Variants in ERBB4 observed in about 807,000 individuals in gnomAD.
ERBB4 encodes receptor tyrosine-protein kinase erbB-4.
A neutral mutation model predicts 158.0 loss-of-function variants in ERBB4; 42 were observed. The ratio of observed to expected loss-of-function variants is 0.27; its 90% CI spans 0.21 to 0.34. The LOEUF (loss-of-function observed/expected upper bound fraction) is 0.34. Ranked by LOEUF, ERBB4 falls within the 10% of genes least tolerant of loss-of-function variation. The pLI is 1.00. For synonymous variants in ERBB4, 583 were observed against 558.7 expected, an observed-to-expected ratio of 1.04 and a Z score of -0.61; for missense variants, 1,333 against 1,624.1, an observed-to-expected ratio of 0.82 and a Z score of 3.08.
intron 1 of ERBB4, among the ~76,000 whole-genome samples, chr2:212,434,138 G>C (rs914333248): frequency 6.6e-6 from 1 of 151,960 alleles, no homozygotes; most frequent in Non-Finnish European, 1.5e-5. Flanking sequence ...ATCTAAAATA[G>C]AATTTAATAG....
At chr2:211,472,626 A>T (rs2064855546) in intron 20 of ERBB4, among the ~76,000 whole-genome samples, 2 of 151,664 alleles carry the variant, frequency 1.3e-5, no homozygotes, top group Non-Finnish European at 2.9e-5. Context: ...AGGCTTCTTC[A>T]TGCTTTCCCA....
Position 211,712,077 on chromosome 2 carries a change from A to C in ERBB4, c.1097T>G (p.Leu366Trp). Residue 366 changes from leucine to tryptophan, a missense_variant, in exon 9 of 28, where the codon TTG (leucine) becomes TGG (tryptophan). Transcript: ENST00000342788. ...ATGAATACCAGTGACTAGAAAGATC[A>C]AATTCCCATTGATCTTGGTACAGTT... is the stretch of plus-strand genomic sequence containing the variant. ...FINCTKINGNLIFLVTGIHGD... is the reference protein window; with the variant it reads ...FINCTKINGNWIFLVTGIHGD... 6.2e-7 allele frequency: 1 copy of C among 1,612,672 alleles called. No homozygotes were observed. The highest frequency in any genetic ancestry group is 8.5e-7 in the Non-Finnish European group (1 of 1,178,736).
intron 1 of ERBB4, among the ~76,000 whole-genome samples, chr2:212,428,955 A>G (rs1419634659): frequency 6.6e-6 from 1 of 152,194 alleles, no homozygotes; most frequent in Non-Finnish European, 1.5e-5. Context: ...TCAGATTCCC[A>G]GCAACTACTT....
chr2:211,961,900 C>A (rs1183455446), intron 2 of ERBB4, among the ~76,000 whole-genome samples: 1 of 152,008 alleles, frequency 6.6e-6, no homozygotes, highest in East Asian at 1.9e-4. Flanking sequence ...ACTTTAAAAG[C>A]AAGTTATAGT....
chr2:212,396,746 A>G (rs1248991833), intron 1 of ERBB4, among the ~76,000 whole-genome samples: 1 of 152,164 alleles, frequency 6.6e-6, no homozygotes, highest in African/African-American at 2.4e-5. Flanking sequence ...TTTTTTACTT[A>G]ATGACATGAG....
chr2:212,068,062 T>C (rs1367795170), intron 2 of ERBB4, among the ~76,000 whole-genome samples: 1 of 152,058 alleles, frequency 6.6e-6, no homozygotes, highest in African/African-American at 2.4e-5. Context: ...GTTCAGTTCA[T>C]GGGGAGCCTG....
intron 1 of ERBB4, among the ~76,000 whole-genome samples, chr2:212,410,593 C>T (rs139909475): frequency 3.5e-3 from 531 of 152,044 alleles, no homozygotes; most frequent in African/African-American, 0.012. Context: ...TAATATTCTC[C>T]TCTCATTTTC....
intron 1 of ERBB4, among the ~76,000 whole-genome samples, chr2:212,399,536 T>TTA (rs1298944300): frequency 1.9e-4 from 4 of 20,792 alleles, no homozygotes; most frequent in Non-Finnish European, 4.1e-4. Context: ...GATATATATT[T>TTA]TATATATACA....
intron 3 of ERBB4, among the ~76,000 whole-genome samples, chr2:211,922,150 A>C (rs902034824): frequency 1.3e-5 from 2 of 152,152 alleles, no homozygotes; most frequent in Non-Finnish European, 2.9e-5. Flanking sequence ...GTGTGGAAGA[A>C]AGCCCAAGAA....
chr2:212,108,903 A>T lies in ERBB4; in HGVS notation c.234+15849T>A, dbSNP rs943427533. On this transcript the variant is annotated intron_variant, in intron 2 of 27. Transcript: ENST00000342788. Reference sequence around the variant, plus strand: ...CCTGATTGCTCTTGGCTGAGTATCTATGGTGGTAGGAGAGTACAGGATAGC... The same window carrying T: ...CCTGATTGCTCTTGGCTGAGTATCTTTGGTGGTAGGAGAGTACAGGATAGC... 3.9e-5 allele frequency among the ~76,000 whole-genome samples: 6 copies of T among 152,084 alleles called. No individual in the cohort carries two copies. The South Asian group carries it at 1.2e-3, about 32-fold the overall frequency.
intron 3 of ERBB4, among the ~76,000 whole-genome samples, chr2:211,863,037 T>C (rs934137051): frequency 2.6e-4 from 39 of 152,054 alleles, no homozygotes; most frequent in African/African-American, 9.2e-4. Context: ...GGATTGTAAA[T>C]GCACCAATCA....
At chr2:212,135,733 C>A (rs1642630997) in intron 1 of ERBB4, among the ~76,000 whole-genome samples, 1 of 152,220 alleles carries the variant, frequency 6.6e-6, no homozygotes, top group Non-Finnish European at 1.5e-5. Context: ...CTCCCTCATA[C>A]AAAGTCCTTC....
At position 212,464,524 on chromosome 2, in the gene ERBB4, G is replaced by A. The variant is rs140942695; in HGVS notation, c.82+73925C>T. 1.6e-3 allele frequency among the ~76,000 whole-genome samples: 246 copies of A among 152,176 alleles called. 1 individual carries two copies. The highest frequency in any genetic ancestry group is 5.8e-3 in the African/African-American group (240 of 41,556). On this transcript the variant is annotated intron_variant, in intron 1 of 27. Transcript: ENST00000342788. ...CATGGGAGTGCCAGTTTAGCTGCCT[G>A]AGAACCAATAAAGAATTTAATTTCC... is the stretch of plus-strand genomic sequence containing the variant.
chr2:211,849,156 G>T (rs2077660012), intron 3 of ERBB4, among the ~76,000 whole-genome samples: 1 of 151,818 alleles, frequency 6.6e-6, no homozygotes, highest in African/African-American at 2.4e-5. Context: ...ATATTTTCCT[G>T]ATAGATATCA....
At chr2:211,871,290 G>T (rs2078338242) in intron 3 of ERBB4, among the ~76,000 whole-genome samples, 1 of 152,114 alleles carries the variant, frequency 6.6e-6, no homozygotes, top group Admixed American at 6.6e-5. Context: ...CTTGAGCCCA[G>T]GAGTTCCAGT....
intron 1 of ERBB4, among the ~76,000 whole-genome samples, chr2:212,125,402 C>T (rs780087767): frequency 3.9e-5 from 6 of 152,044 alleles, no homozygotes; most frequent in Non-Finnish European, 7.4e-5. Flanking sequence ...CTCAAACATG[C>T]GTTTTTATTT....
intron 19 of ERBB4, among the ~76,000 whole-genome samples, chr2:211,566,033 G>A (rs2067535110): frequency 6.6e-6 from 1 of 152,176 alleles, no homozygotes; most frequent in African/African-American, 2.4e-5. Flanking sequence ...CACCAGGACT[G>A]CAACAAGATG....
At chr2:211,655,777 C>T (rs13410206) in intron 16 of ERBB4, among the ~76,000 whole-genome samples, 11,116 of 152,198 alleles carry the variant, frequency 0.073, 617 homozygotes, top group Non-Finnish European at 0.11. Flanking sequence ...GCACTCTCTC[C>T]CTCTCTCTAA....
chr2:212,502,151 C>T (rs1690929143), intron 1 of ERBB4, among the ~76,000 whole-genome samples: 2 of 151,930 alleles, frequency 1.3e-5, no homozygotes, highest in Admixed American at 1.3e-4. Context: ...ACATTTTTCT[C>T]CTTTATTAAT....
Sources: allele counts gnomAD v4.1 joint callset (sites outside exome capture counted in the v4.1 genomes callset), GRCh38; gene constraint gnomAD v4.1.1; transcripts MANE v1.5; gene names NCBI Gene and HGNC (gene_info 2026-07-23, HGNC 2026-07-21).